Variants in IL10RB observed in about 807,000 individuals in gnomAD.
IL10RB encodes the protein interleukin-10 receptor subunit beta.
IL10RB carries 30 observed loss-of-function variants against 38.7 expected under a neutral mutation model. That is an observed-to-expected ratio of 0.78 (90% CI 0.58 to 1.05). The LOEUF (loss-of-function observed/expected upper bound fraction) is 1.05. Ranked by LOEUF, IL10RB falls within the 50% of genes least tolerant of loss-of-function variation. The probability of loss-of-function intolerance (pLI) is 0.00; values close to 1 mark genes in which losing one functional copy is unlikely to be tolerated. For synonymous variants in IL10RB, 142 were observed against 145.9 expected (o/e 0.97, Z 0.19); for missense variants, 328 against 397.1 (o/e 0.83, Z 1.48).
intron 1 of IL10RB, among the ~76,000 whole-genome samples, chr21:33,267,517 TG>T (rs200352087): frequency 0.54 from 68,521 of 127,048 alleles, 19,692 homozygotes; most frequent in East Asian, 0.67. Context: ...TTTGTTTTTT[TG>T]TTTTTTTTTG....
chr21:33,276,220 G>A (rs1024029350), intron 2 of IL10RB, among the ~76,000 whole-genome samples: 3 of 152,260 alleles, frequency 2.0e-5, no homozygotes, highest in Non-Finnish European at 2.9e-5. Context: ...GGGCATCAAC[G>A]TTGTATATGT....
At chr21:33,270,170 G>T (rs79090352) in intron 2 of IL10RB, among the ~76,000 whole-genome samples, 2,279 of 152,304 alleles carry the variant, frequency 0.015, 36 homozygotes, top group Admixed American at 0.027. Context: ...CTGTCCCAAG[G>T]ATTGAAGGAG....
intron 1 of IL10RB, among the ~76,000 whole-genome samples, chr21:33,306,879 G>A (rs1339703257): frequency 6.6e-6 from 1 of 152,194 alleles, no homozygotes; most frequent in African/African-American, 2.4e-5. Context: ...TCCCTTCAGT[G>A]TGTAAAAATT....
chr21:33,288,517 C>T (rs188797863), intron 6 of IL10RB, among the ~76,000 whole-genome samples: 7 of 152,176 alleles, frequency 4.6e-5, no homozygotes, highest in Admixed American at 2.6e-4. Flanking sequence ...CCTAGGGCAT[C>T]GCTCCTTCTC....
intron 6 of IL10RB, among the ~76,000 whole-genome samples, chr21:33,290,108 C>T (rs1323817376): frequency 6.6e-5 from 10 of 150,514 alleles, no homozygotes; most frequent in East Asian, 1.9e-4. Context: ...AGCGAGACTC[C>T]GTCTCAAAAA....
rs570397007 is a variant in IL10RB, at chr21:33,268,385, T to C, written c.50-9T>C. The C allele has an allele frequency of 2.7e-5, 44 of 1,614,198 alleles. No homozygotes were observed. In the South Asian group the frequency reaches 4.7e-4, roughly 17 times the overall value. ...AAAAGTTGTAAATGTTTTTGTCTTA[T>C]TTTCATAGCATTGGGAATGGTACCA... On this transcript the variant is annotated splice_polypyrimidine_tract_variant and intron_variant, in intron 1 of 6. Transcript: ENST00000290200.
At chr21:33,272,664 C>A (rs942863030) in intron 2 of IL10RB, among the ~76,000 whole-genome samples, 1 of 152,180 alleles carries the variant, frequency 6.6e-6, no homozygotes, top group African/African-American at 2.4e-5. Context: ...CCAGGCTGTT[C>A]TCAAACTCCT....
At position 33,279,933 on chromosome 21, in the gene IL10RB, T is replaced by G; in HGVS notation, c.498+15T>G. 1 of 1,610,758 alleles carries G rather than the reference T, an allele frequency of 6.2e-7. No individual in the cohort carries two copies. The highest frequency in any genetic ancestry group is 2.2e-5 in the East Asian group (1 of 44,844). On this transcript the variant is annotated intron_variant, in intron 4 of 6. Transcript: ENST00000290200. ...CTGATGAAAAGGTAAGGTTGGCTAA[T>G]TGCATTTCAGAGGTAGTAGGCTTTC...
chr21:33,306,850 A>G (rs1033526008), intron 1 of IL10RB, among the ~76,000 whole-genome samples: 12 of 152,172 alleles, frequency 7.9e-5, no homozygotes, highest in African/African-American at 2.7e-4. Context: ...CTGTTTAAAA[A>G]CAATGATTTA....
At position 33,288,116 on chromosome 21, in the gene IL10RB, C is replaced by T. The variant is rs768897026; in HGVS notation, c.659C>T (p.Ser220Phe). ...TTACCCCTGGCAGAAACGGTCCCCT[C>T]CTGGATGGTGGCCGTCATCCTCATG... is the stretch of plus-strand genomic sequence containing the variant. ...EQTTHDETVP[S>F]WMVAVILMAS... Residue 220 changes from serine to phenylalanine, a missense_variant, in exon 6 of 7, where the codon TCC (serine) becomes TTC (phenylalanine). Coordinates refer to ENST00000290200, the MANE Select transcript of IL10RB (RefSeq NM_000628.5). The T allele has an allele frequency of 4.3e-6, 7 of 1,614,102 alleles. No individual in the cohort carries two copies. The South Asian group carries it at 5.5e-5, about 13-fold the overall frequency.
At chr21:33,269,099 A>G (rs1352041652) in intron 2 of IL10RB, among the ~76,000 whole-genome samples, 1 of 152,230 alleles carries the variant, frequency 6.6e-6, no homozygotes. Flanking sequence ...AATTAAAAGT[A>G]AGACAGCTAC....
At chr21:33,288,070 GA>G in intron 5 of IL10RB, 33 bp from the exon 6 acceptor site, 1 of 1,609,142 alleles carries the variant, frequency 6.2e-7, no homozygotes, top group African/African-American at 1.3e-5. Context: ...CCCGACCTGT[GA>G]CAAGAATGTA....
downstream of IL10RB, among the ~76,000 whole-genome samples, chr21:33,298,028 T>C (rs2082974871): frequency 6.6e-6 from 1 of 152,184 alleles, no homozygotes; most frequent in African/African-American, 2.4e-5. Context: ...AAAAGCAGTC[T>C]GGAGGCAGAA....
downstream of IL10RB, among the ~76,000 whole-genome samples, chr21:33,298,128 TA>T (rs1227845700): frequency 6.6e-6 from 1 of 152,180 alleles, no homozygotes; most frequent in East Asian, 1.9e-4. Flanking sequence ...TTATGGAGGG[TA>T]ATCTGCTTTA....
At chr21:33,289,644 C>T (rs1041883148) in intron 6 of IL10RB, among the ~76,000 whole-genome samples, 9 of 152,168 alleles carry the variant, frequency 5.9e-5, no homozygotes, top group African/African-American at 2.2e-4. Context: ...GTGACTCTGG[C>T]GGGTACCCAC....
At chr21:33,278,391 A>G (rs1319421150) in intron 3 of IL10RB, among the ~76,000 whole-genome samples, 1 of 152,212 alleles carries the variant, frequency 6.6e-6, no homozygotes, top group Admixed American at 6.5e-5. Context: ...TTTTGGAATC[A>G]TAAATTATCA....
intron 6 of IL10RB, 136 bp downstream of exon 6, chr21:33,288,397 A>C: frequency 2.9e-6 from 2 of 699,256 alleles, no homozygotes; most frequent in Non-Finnish European, 2.6e-6. Context: ...ACACACACAC[A>C]CACACACAGA....
At chr21:33,283,274 C>A (rs1302893599) in intron 5 of IL10RB, 33 bp downstream of exon 5, 1 of 1,609,388 alleles carries the variant, frequency 6.2e-7, no homozygotes, top group African/African-American at 1.3e-5. Flanking sequence ...GCTAAGCATC[C>A]TAAACAGCTT....
At position 33,276,602 on chromosome 21, in the gene IL10RB, G is replaced by C; in HGVS notation, c.180G>C (p.Arg60Ser). ...LTFTAQYLSYRIFQDKCMNTT... is the reference protein window; with the variant it reads ...LTFTAQYLSYSIFQDKCMNTT... ...TATCTTTTTGATTGTGTAGTTATAG[G>C]ATATTCCAAGATAAATGCATGAATA... Residue 60 changes from arginine (R) to serine (S), a missense_variant, in exon 3 of 7, where the codon AGG becomes AGC. By Grantham distance (110) the Arg-to-Ser change is moderately radical (BLOSUM62 -1). Coordinates refer to ENST00000290200, the MANE Select transcript of IL10RB (RefSeq NM_000628.5). 1.2e-6 allele frequency: 2 copies of C among 1,612,896 alleles called. No individual in the cohort carries two copies. The highest frequency in any genetic ancestry group is 1.7e-6 in the Non-Finnish European group (2 of 1,178,944).
Sources: gnomAD v4.1 joint callset for allele counts (sites outside exome capture counted in the v4.1 genomes callset) on GRCh38, gnomAD v4.1.1 for gene constraint, MANE v1.5 for transcripts, NCBI Gene and HGNC (gene_info 2026-07-23, HGNC 2026-07-21) for gene names.